Variants in NPSR1 observed in about 807,000 individuals in gnomAD.
NPSR1 encodes the protein neuropeptide S receptor 1.
NPSR1 carries 48 observed loss-of-function variants against 46.9 expected under a neutral mutation model. The observed-to-expected ratio is 1.02, with a 90% CI of 0.81 to 1.30. The LOEUF (loss-of-function observed/expected upper bound fraction) is 1.30, where lower values mean the gene tolerates loss of function less well. Among genes scored for constraint, NPSR1 ranks in the 50% most tolerant of loss-of-function variants. The pLI is 0.00. For synonymous variants in NPSR1, 176 were observed against 168.1 expected (o/e 1.05, Z -0.36); for missense variants, 450 against 449.5 (o/e 1.00, Z -0.01).
At chr7:34,823,197 C>T (rs752275547) in intron 4 of NPSR1, among the ~76,000 whole-genome samples, 4 of 151,898 alleles carry the variant, frequency 2.6e-5, no homozygotes, top group Non-Finnish European at 5.9e-5. Context: ...TTGAGACCAG[C>T]CTGGCCAACA....
chr7:34,679,689 C>G lies in NPSR1; in HGVS notation c.148-4863C>G, dbSNP rs890167142. 3.3e-5 allele frequency among the ~76,000 whole-genome samples: 5 copies of G among 151,878 alleles called. No homozygotes were observed. In the South Asian group the frequency reaches 1.0e-3, roughly 32 times the overall value. On this transcript the variant is annotated intron_variant, in intron 1 of 8. Coordinates refer to ENST00000360581, the MANE Select transcript of NPSR1 (RefSeq NM_207172.2). ...ATTGATGATGATAAGTGAGGACTTA[C>G]TGTAAGTTATGTAATTGAAGATGAA...
chr7:34,849,533 T>C, intron 8 of NPSR1, 32 bp from the exon 9 acceptor site: 1 of 1,612,964 alleles, frequency 6.2e-7, no homozygotes, highest in Non-Finnish European at 8.5e-7. Context: ...GTCAAATTAT[T>C]TCCCTCCCTG....
At chr7:34,798,210 A>C (rs1788275684) in intron 3 of NPSR1, among the ~76,000 whole-genome samples, 1 of 152,206 alleles carries the variant, frequency 6.6e-6, no homozygotes, top group African/African-American at 2.4e-5. Context: ...ATTACCACTT[A>C]TTAGGATAAG....
At chr7:34,752,006 G>A in intron 2 of NPSR1, 1 of 802,222 alleles carries the variant, frequency 1.2e-6, no homozygotes, top group Non-Finnish European at 2.2e-6. Flanking sequence ...CGATGGCATG[G>A]CACACCTGCT....
chr7:34,658,518 G>A lies in NPSR1; in HGVS notation c.106G>A (p.Val36Met), dbSNP rs1246238293. The A allele has an allele frequency of 6.2e-7, 1 of 1,614,172 alleles. No homozygotes were observed. Among genetic ancestry groups the A allele is most frequent in the Non-Finnish European group, 8.5e-7 (1 of 1,179,990 alleles). The change falls in exon 1 of 9, where the codon GTG becomes ATG. Residue 36 changes from valine to methionine, a missense_variant. By Grantham distance (21) the Val-to-Met change is conservative. Coordinates refer to ENST00000360581, the MANE Select transcript of NPSR1 (RefSeq NM_207172.2). The stretch of plus-strand genomic sequence containing the variant: ...TGAAACAGTGACTTTTACTGAAGTG[G>A]TGGAAGGAAAGGAATGGGGTTCCTT... The part of the protein sequence containing the change: ...CTETVTFTEV[V>M]EGKEWGSFYY...
chr7:34,857,141 T>C lies in NPSR1; in HGVS notation c.1025+8478T>C, dbSNP rs147985650. ...AGATATATTCTAAAAACTAATGAAA[T>C]GCAGAAATATATCATGACTATTGTT... On this transcript the variant is annotated intron_variant, in intron 8 of 8. Transcript: ENST00000359791. Among the ~76,000 whole-genome samples, 510 of 151,834 alleles carry C rather than the reference T, an allele frequency of 3.4e-3. 15 individuals are homozygous for C. Among genetic ancestry groups the C allele is most frequent in the African/African-American group, 0.011 (437 of 41,162 alleles).
At chr7:34,698,503 A>G (rs1251698993) in intron 2 of NPSR1, among the ~76,000 whole-genome samples, 1 of 152,312 alleles carries the variant, frequency 6.6e-6, no homozygotes, top group East Asian at 1.9e-4. Context: ...AGACATTAAA[A>G]TCAATTTTTG....
intron 3 of NPSR1, among the ~76,000 whole-genome samples, chr7:34,797,952 G>A (rs561485102): frequency 6.6e-6 from 1 of 152,170 alleles, no homozygotes; most frequent in South Asian, 2.1e-4. Flanking sequence ...AAGTGAAGAA[G>A]AAATAAAGAC....
chr7:34,867,094 C>T, intron 8 of NPSR1, among the ~76,000 whole-genome samples: 2 of 151,644 alleles, frequency 1.3e-5, no homozygotes, highest in South Asian at 4.1e-4. Context: ...AGCACAAGTA[C>T]CCATAAACAT....
At chr7:34,831,357 A>G (rs79253566) in intron 5 of NPSR1, among the ~76,000 whole-genome samples, 8,827 of 151,878 alleles carry the variant, frequency 0.058, 485 homozygotes, top group African/African-American at 0.15. Context: ...ACGTGTACAC[A>G]TACTGCTAAT....
chr7:34,750,688 A>C (rs1785472842), intron 2 of NPSR1: 1 of 703,078 alleles, frequency 1.4e-6, no homozygotes, highest in African/African-American at 1.7e-5. Flanking sequence ...AGATGGACTC[A>C]TCTGACAGTT....
At chr7:34,686,027 A>G (rs138148647) in intron 2 of NPSR1, 1 of 170,020 alleles carries the variant, frequency 5.9e-6, no homozygotes, top group Admixed American at 6.0e-5. Flanking sequence ...TTCTTCGATT[A>G]CAGTGTGGTA....
At position 34,658,605 on chromosome 7, in the gene NPSR1, G is replaced by A. The variant is rs759235764; in HGVS notation, c.147+46G>A. 5 of 1,566,832 alleles carry A rather than the reference G, an allele frequency of 3.2e-6. No homozygotes were observed. In the South Asian group the frequency reaches 4.5e-5, roughly 14 times the overall value. The stretch of plus-strand genomic sequence containing the variant: ...TCTGAACACTGACTTATAACAATGA[G>A]ACTGCTGGAACTTAAGAGTGTCAAT... On this transcript the variant is annotated intron_variant, in intron 1 of 8. Transcript: ENST00000360581.
At chr7:34,722,198 T>C (rs1053630405) in intron 2 of NPSR1, among the ~76,000 whole-genome samples, 3 of 152,146 alleles carry the variant, frequency 2.0e-5, no homozygotes, top group African/African-American at 7.2e-5. Context: ...GTGAAAAATG[T>C]TAAAGTATTT....
At chr7:34,739,431 C>A (rs1229616340) in intron 2 of NPSR1, among the ~76,000 whole-genome samples, 1 of 152,102 alleles carries the variant, frequency 6.6e-6, no homozygotes, top group Non-Finnish European at 1.5e-5. Context: ...TTATAATCAT[C>A]CTAGTGGCTG....
intron 7 of NPSR1, chr7:34,845,742 G>T: frequency 2.8e-6 from 1 of 360,922 alleles, no homozygotes; most frequent in South Asian, 2.2e-5. Context: ...TTTGGCTTTT[G>T]TGTTACTTAT....
intron 3 of NPSR1, among the ~76,000 whole-genome samples, chr7:34,801,866 G>C (rs1788434136): frequency 6.7e-6 from 1 of 149,748 alleles, no homozygotes; most frequent in Non-Finnish European, 1.5e-5. Flanking sequence ...CTTCAGCAAA[G>C]TCTCAGGATA....
intron 3 of NPSR1, among the ~76,000 whole-genome samples, chr7:34,786,977 C>G (rs1236465677): frequency 1.3e-5 from 2 of 152,086 alleles, no homozygotes; most frequent in African/African-American, 2.4e-5. Context: ...TTGGCTTCAA[C>G]TCAAAGTCAC....
In NPSR1 at chr7:34,711,693, G is replaced by A. The variant is rs143470985; in HGVS notation, c.280+27009G>A. Among the ~76,000 whole-genome samples the A allele has an allele frequency of 8.5e-5, 13 of 152,338 alleles. No homozygotes were observed. In the East Asian group the frequency reaches 2.5e-3, roughly 29 times the overall value. ...AGCCAGTGCTGAGAAACACTGAGAC[G>A]ATGCACATAAAATGCCTAGCCCAGA... On this transcript the variant is annotated intron_variant, in intron 2 of 8. Transcript: ENST00000360581.
Sources: gnomAD v4.1 joint callset for allele counts (sites outside exome capture counted in the v4.1 genomes callset) on GRCh38, gnomAD v4.1.1 for gene constraint, MANE v1.5 for transcripts, NCBI Gene and HGNC (gene_info 2026-07-23, HGNC 2026-07-21) for gene names.